Variants in CLCA1 observed in about 807,000 individuals in gnomAD.
The protein encoded by CLCA1 is calcium-activated chloride channel regulator 1.
A neutral mutation model predicts 85.6 loss-of-function variants in CLCA1; 59 were observed. That is an observed-to-expected ratio of 0.69 (90% CI 0.56 to 0.86). The LOEUF (loss-of-function observed/expected upper bound fraction) is 0.86, where lower values mean the gene tolerates loss of function less well. Ranked by LOEUF, CLCA1 falls within the 40% of genes least tolerant of loss-of-function variation. CLCA1 has a pLI of 0.00. For synonymous variants in CLCA1, 396 were observed against 398.3 expected (o/e 0.99, Z 0.07); for missense variants, 1,022 against 1,101.4 (o/e 0.93, Z 1.02).
chr1:86,476,313 C>T (rs1054903185), intron 3 of CLCA1, 135 bp from the exon 4 acceptor site: 2 of 578,562 alleles, frequency 3.5e-6, no homozygotes, highest in Admixed American at 6.1e-5. Context: ...TATATTAGAT[C>T]TAAAGAAATC....
In CLCA1 at chr1:86,499,940, G is replaced by C. The variant is rs771181835; in HGVS notation, c.2640G>C (p.Thr880=). ...CAGAGACACCTAGTCCTGATGAAAC[G>C]TCTGCTCCTTGTCCTAATATTCATA... ...TPPETPSPDE[T]SAPCPNIHIN... Residue 880 remains threonine (T), a synonymous_variant, in exon 14 of 14, where the codon ACG becomes ACC. Transcript: ENST00000394711. 17 of 1,613,322 alleles carry C rather than the reference G, an allele frequency of 1.1e-5. No homozygotes were observed. The highest frequency in any genetic ancestry group is 4.2e-6 in the Non-Finnish European group (5 of 1,179,418).
At chr1:86,493,204 G>A (rs1311503462) in intron 9 of CLCA1, among the ~76,000 whole-genome samples, 180 bp from the exon 10 acceptor site, 1 of 152,128 alleles carries the variant, frequency 6.6e-6, no homozygotes, top group African/African-American at 2.4e-5. Flanking sequence ...GGAAAATTGT[G>A]GAAGCTAAGG....
rs770589108 is a variant in CLCA1 at position 86,493,403 on chromosome 1, C to A, written c.1484C>A (p.Thr495Asn). 2.5e-6 allele frequency: 4 copies of A among 1,613,688 alleles called. No individual in the cohort carries two copies. The African/African-American group carries it at 5.3e-5, about 22-fold the overall frequency. ...RSIQLESKGL[T>N]LQNSQWMNGT... ...TAACAGCTTGAGAGTAAGGGATTAA[C>A]CCTCCAGAACAGCCAGTGGATGAAT... Residue 495 changes from threonine (T) to asparagine (N), a missense_variant, in exon 10 of 14, where the codon ACC becomes AAC. Physicochemically the swap from Thr to Asn is moderately conservative, Grantham distance 65. Transcript: ENST00000394711.
In CLCA1 at chr1:86,473,400, T is replaced by G. The variant is rs778252130; in HGVS notation, c.163-17T>G. The G allele has an allele frequency of 6.6e-7, 1 of 1,517,916 alleles. No homozygotes were observed. Among genetic ancestry groups the G allele is most frequent in the Admixed American group, 2.0e-5 (1 of 49,782 alleles). 94.0% of individuals were successfully genotyped at this position (1,517,916 alleles called of 1,614,324 possible). On this transcript the variant is annotated splice_polypyrimidine_tract_variant and intron_variant, in intron 1 of 13. Transcript: ENST00000394711. Reference sequence around the variant, plus strand: ...ATTTTCAGTCAATTGTTACGTATGTTTTCTTTTTCTTCCCAGGACATGGTG... The same window carrying G: ...ATTTTCAGTCAATTGTTACGTATGTGTTCTTTTTCTTCCCAGGACATGGTG...
Position 86,498,782 on chromosome 1 carries a change from C to G in CLCA1, c.2324C>G (p.Ala775Gly). Residue 775 changes from alanine (A) to glycine (G), a missense_variant, in exon 13 of 14, where the codon GCT becomes GGT. Coordinates refer to ENST00000394711, the MANE Select transcript of CLCA1 (RefSeq NM_001285.4). ...AGTCTCATTAATCTGACTTGGACAG[C>G]TCCTGGGGATGATTATGACCATGGA... ...GGSLINLTWTAPGDDYDHGTA... is the reference protein window; with the variant it reads ...GGSLINLTWTGPGDDYDHGTA... 1 of 1,614,066 alleles carries G rather than the reference C, an allele frequency of 6.2e-7. No homozygotes were observed. Among genetic ancestry groups the G allele is most frequent in the South Asian group, 1.1e-5 (1 of 91,064 alleles).
chr1:86,488,641 T>C (rs1029797592), intron 7 of CLCA1, among the ~76,000 whole-genome samples: 5 of 152,156 alleles, frequency 3.3e-5, no homozygotes, highest in Admixed American at 6.5e-5. Flanking sequence ...TTAAATGAGA[T>C]GGTTTCTGAA....
intron 5 of CLCA1, among the ~76,000 whole-genome samples, chr1:86,484,601 A>T (rs1424922971): frequency 3.3e-5 from 5 of 152,324 alleles, no homozygotes; most frequent in African/African-American, 1.2e-4. Context: ...AACAGAGAGG[A>T]AACAAGATGG....
In CLCA1 at chr1:86,473,576, T is replaced by C; in HGVS notation, c.303+19T>C. On this transcript the variant is annotated intron_variant, in intron 2 of 13. Coordinates refer to ENST00000394711, the MANE Select transcript of CLCA1 (RefSeq NM_001285.4). The stretch of plus-strand genomic sequence containing the variant: ...CAAAAATGTGAGAATATCAAGTTCT[T>C]CTTTAAAATTCCACTTTCTCCTGTA... 1 of 1,566,486 alleles carries C rather than the reference T, an allele frequency of 6.4e-7. No homozygotes were observed. The highest frequency in any genetic ancestry group is 8.7e-7 in the Non-Finnish European group (1 of 1,152,238).
In CLCA1 at chr1:86,486,507, CT is replaced by C; in HGVS notation, c.955-15del. 6 of 1,609,296 alleles carry C rather than the reference CT, an allele frequency of 3.7e-6. No individual in the cohort carries two copies. The highest frequency in any genetic ancestry group is 5.1e-6 in the Non-Finnish European group (6 of 1,177,294). ...TTCCATCTAAACGTAACCTGTTTTT[CT>C]TTTGCTTCTCCATTTAGACTGGTAA... On this transcript the variant is annotated intron_variant, in intron 6 of 13. Transcript: ENST00000394711.
intron 12 of CLCA1, 71 bp downstream of exon 12, chr1:86,495,746 T>C: frequency 7.4e-7 from 1 of 1,344,322 alleles, no homozygotes; most frequent in Non-Finnish European, 1.0e-6. Flanking sequence ...ATTAAGCCTG[T>C]GGGGCAGAAT....
In CLCA1 at chr1:86,482,334, C is replaced by T. The variant is rs920394417; in HGVS notation, c.687C>T (p.Ser229=). The T allele has an allele frequency of 1.2e-6, 2 of 1,614,066 alleles. No individual in the cohort carries two copies. Among genetic ancestry groups the T allele is most frequent in the Admixed American group, 1.7e-5 (1 of 60,014 alleles). The change falls in exon 5 of 14, where the codon TCC becomes TCT. Residue 229 remains serine (S), a synonymous_variant. Transcript: ENST00000394711. The stretch of plus-strand genomic sequence containing the variant: ...AAGGATGTGAGTTTGTTCTCCAATC[C>T]CGCCAGACGGAGAAGGCTTCTATAA... The part of the protein sequence containing the change: ...YEKGCEFVLQ[S]RQTEKASIMF...
chr1:86,499,818 C>A lies in CLCA1; in HGVS notation c.2518C>A (p.Leu840Ile). ...CATTACTTTTGAAAATGGCACAGAT[C>A]TTTTCATTGCTATTCAGGCTGTTGA... ...ENITFENGTDLFIAIQAVDKV... is the reference protein window; with the variant it reads ...ENITFENGTDIFIAIQAVDKV... Residue 840 changes from leucine to isoleucine, a missense_variant, in exon 14 of 14, where the codon CTT becomes ATT. Leu to Ile is a conservative substitution (Grantham distance 5). Transcript: ENST00000394711. The A allele has an allele frequency of 6.2e-7, 1 of 1,613,390 alleles. No individual in the cohort carries two copies. The highest frequency in any genetic ancestry group is 2.2e-5 in the East Asian group (1 of 44,882).
intron 9 of CLCA1, among the ~76,000 whole-genome samples, chr1:86,492,891 A>G (rs907015931): frequency 6.6e-6 from 1 of 152,256 alleles, no homozygotes; most frequent in Non-Finnish European, 1.5e-5. Flanking sequence ...ATATAGGGCG[A>G]AGCACAATAT....
chr1:86,498,009 G>A (rs1367297658), intron 12 of CLCA1, among the ~76,000 whole-genome samples: 1 of 152,144 alleles, frequency 6.6e-6, no homozygotes, highest in Non-Finnish European at 1.5e-5. Flanking sequence ...TCGGTGTGGT[G>A]GCACATGCCT....
intron 11 of CLCA1, 51 bp from the exon 12 acceptor site, chr1:86,495,454 A>C (rs951454903): frequency 6.9e-7 from 1 of 1,459,094 alleles, no homozygotes; most frequent in African/African-American, 1.4e-5. Context: ...TTGGAAATAT[A>C]CAAATACCCT....
At chr1:86,485,215 C>T in intron 5 of CLCA1, 128 bp from the exon 6 acceptor site, 1 of 707,348 alleles carries the variant, frequency 1.4e-6, no homozygotes, top group Non-Finnish European at 2.4e-6. Context: ...TTTTCCCCAG[C>T]ACTGTTCCAC....
chr1:86,495,183 C>T (rs139654974), intron 11 of CLCA1, among the ~76,000 whole-genome samples: 113 of 152,270 alleles, frequency 7.4e-4, no homozygotes, highest in Admixed American at 2.9e-3. Flanking sequence ...TTTTCTTCCA[C>T]ATTTGCATAT....
intron 7 of CLCA1, 66 bp downstream of exon 7, chr1:86,486,819 T>G: frequency 7.2e-7 from 1 of 1,393,316 alleles, no homozygotes; most frequent in Non-Finnish European, 1.0e-6. Context: ...AAACTTCCAT[T>G]TCCAGTGTTT....
chr1:86,493,756 A>T (rs113447009), intron 10 of CLCA1, among the ~76,000 whole-genome samples, 157 bp downstream of exon 10: 1 of 152,334 alleles, frequency 6.6e-6, no homozygotes, highest in African/African-American at 2.4e-5. Context: ...TCCAATGAAA[A>T]TCACTCAGTA....
Sources: gnomAD v4.1 joint callset for allele counts (sites outside exome capture counted in the v4.1 genomes callset) on GRCh38, gnomAD v4.1.1 for gene constraint, MANE v1.5 for transcripts, NCBI Gene and HGNC (gene_info 2026-07-23, HGNC 2026-07-21) for gene names.